GABRG3: variants seen among roughly 807,000 people sequenced by gnomAD.
The protein encoded by GABRG3 is gamma-aminobutyric acid receptor subunit gamma-3.
A neutral mutation model predicts 48.8 loss-of-function variants in GABRG3; 25 were observed. The ratio of observed to expected loss-of-function variants is 0.51; its 90% CI spans 0.37 to 0.72. The LOEUF (loss-of-function observed/expected upper bound fraction) is 0.72, where lower values mean the gene tolerates loss of function less well. Ranked by LOEUF, GABRG3 falls within the 30% of genes least tolerant of loss-of-function variation. The pLI is 0.00. For synonymous variants in GABRG3, 227 were observed against 217.6 expected, an observed-to-expected ratio of 1.04 and a Z score of -0.38; for missense variants, 394 against 577.9, an observed-to-expected ratio of 0.68 and a Z score of 3.26.
At chr15:27,475,032 A>C (rs1889895143) in intron 5 of GABRG3, among the ~76,000 whole-genome samples, 1 of 152,118 alleles carries the variant, frequency 6.6e-6, no homozygotes, top group Non-Finnish European at 1.5e-5. Context: ...CAGGAGGCTG[A>C]GGCAGGAGAA....
At chr15:27,409,511 T>G (rs1887736476) in intron 5 of GABRG3, among the ~76,000 whole-genome samples, 1 of 152,198 alleles carries the variant, frequency 6.6e-6, no homozygotes. Flanking sequence ...TAATTAATCT[T>G]AACATCAGGT....
intron 5 of GABRG3, among the ~76,000 whole-genome samples, chr15:27,367,072 A>G (rs2140552221): frequency 6.6e-6 from 1 of 152,218 alleles, no homozygotes; most frequent in East Asian, 1.9e-4. Flanking sequence ...AGGACTAAGC[A>G]TCCTCACATC....
intron 3 of GABRG3, among the ~76,000 whole-genome samples, chr15:27,125,127 AAG>A (rs1327319054): frequency 6.6e-6 from 1 of 152,168 alleles, no homozygotes; most frequent in Non-Finnish European, 1.5e-5. Context: ...GATATGCCGA[AAG>A]ACTTTTTATT....
At chr15:27,325,927 T>G (rs1468630041) in intron 3 of GABRG3, among the ~76,000 whole-genome samples, 1 of 152,188 alleles carries the variant, frequency 6.6e-6, no homozygotes, top group African/African-American at 2.4e-5. Context: ...TAACAAAAAT[T>G]ATGCAAGATA....
chr15:27,099,825 A>G (rs1897325887), intron 3 of GABRG3, among the ~76,000 whole-genome samples: 2 of 152,210 alleles, frequency 1.3e-5, no homozygotes, highest in Admixed American at 6.5e-5. Flanking sequence ...AATATTAGCA[A>G]TGAAACGTGG....
chr15:27,163,437 T>C (rs1349732251), intron 3 of GABRG3, among the ~76,000 whole-genome samples: 1 of 152,072 alleles, frequency 6.6e-6, no homozygotes, highest in Non-Finnish European at 1.5e-5. Flanking sequence ...TGGGGTCACC[T>C]ACTAAGATTG....
intron 3 of GABRG3, among the ~76,000 whole-genome samples, chr15:27,113,925 CA>C (rs1284769798): frequency 1.3e-5 from 2 of 152,174 alleles, no homozygotes; most frequent in African/African-American, 2.4e-5. Context: ...GCTAGGGAAC[CA>C]GCTCATTATT....
At chr15:27,302,557 C>T (rs1444139482) in intron 3 of GABRG3, among the ~76,000 whole-genome samples, 1 of 151,916 alleles carries the variant, frequency 6.6e-6, no homozygotes, top group African/African-American at 2.4e-5. Flanking sequence ...CTTCAACATC[C>T]ACACCTCAGT....
chr15:27,263,173 G>A lies in GABRG3; in HGVS notation c.271-63636G>A, dbSNP rs73361547. 7.3e-3 allele frequency among the ~76,000 whole-genome samples: 1,106 copies of A among 152,262 alleles called. 15 individuals carry two copies. The highest frequency in any genetic ancestry group is 0.025 in the African/African-American group (1,041 of 41,544). On this transcript the variant is annotated intron_variant, in intron 3 of 9. Transcript: ENST00000615808. Reference sequence around the variant, plus strand: ...ACCGTAAACTTCTCGGAAAGAAATCGATGAGAAATTTACCACTAGGGCTTA... The same window carrying A: ...ACCGTAAACTTCTCGGAAAGAAATCAATGAGAAATTTACCACTAGGGCTTA...
intron 5 of GABRG3, among the ~76,000 whole-genome samples, chr15:27,477,133 A>G (rs1026509067): frequency 5.9e-5 from 9 of 152,234 alleles, no homozygotes; most frequent in African/African-American, 2.2e-4. Flanking sequence ...TTGCACCTGT[A>G]TGTTTGTAGC....
chr15:27,279,634 C>G (rs1430833239), intron 3 of GABRG3, among the ~76,000 whole-genome samples: 1 of 152,172 alleles, frequency 6.6e-6, no homozygotes, highest in Non-Finnish European at 1.5e-5. Flanking sequence ...TTCTCTTCTT[C>G]TGCTAGTACC....
chr15:27,312,761 C>T lies in GABRG3; in HGVS notation c.271-14048C>T, dbSNP rs1010701630. 2.6e-5 allele frequency among the ~76,000 whole-genome samples: 4 copies of T among 151,968 alleles called. No individual in the cohort carries two copies. The South Asian group carries it at 6.2e-4, about 24-fold the overall frequency. ...GTTCATCACTACTAGGCCTGCCTTA[C>T]GGGAAATGTTAATACCTTCAAGATG... On this transcript the variant is annotated intron_variant, in intron 3 of 9. Coordinates refer to ENST00000615808, the MANE Select transcript of GABRG3 (RefSeq NM_033223.5).
intron 2 of GABRG3, among the ~76,000 whole-genome samples, chr15:26,985,845 T>C (rs765920491): frequency 1.1e-4 from 17 of 152,180 alleles, no homozygotes; most frequent in Non-Finnish European, 1.9e-4. Context: ...TTCATCCTGA[T>C]TGTTTCCGTA....
At position 27,539,184 on chromosome 15, in the gene GABRG3, C is replaced by T. The variant is rs1203855781; in HGVS notation, c.*6303C>T. ...AAGTGGGAAGTTCATTACGGCAAGG[C>T]AGTGGGAAGGTGCCAGCATCCCCTT... On this transcript the variant is annotated 3_prime_UTR_variant, in exon 10 of 10. Transcript: ENST00000615808. The T allele has an allele frequency of 6.6e-6, 1 of 152,144 alleles. No individual in the cohort carries two copies. Among genetic ancestry groups the T allele is most frequent in the Non-Finnish European group, 1.5e-5 (1 of 68,050 alleles). The allele number at this position is 152,144 out of a possible 1,614,324, so 9.4% of individuals were successfully genotyped here.
chr15:27,187,921 C>T (rs1476016507), intron 3 of GABRG3, among the ~76,000 whole-genome samples: 3 of 142,446 alleles, frequency 2.1e-5, no homozygotes, highest in African/African-American at 7.8e-5. Flanking sequence ...TGTTCCCCTT[C>T]CTGTGTCCAT....
chr15:27,084,907 A>G (rs1472762737), intron 3 of GABRG3, among the ~76,000 whole-genome samples: 1 of 152,156 alleles, frequency 6.6e-6, no homozygotes, highest in Admixed American at 6.5e-5. Flanking sequence ...TCCTTCTGAC[A>G]CTGTGTCTTC....
chr15:27,010,774 C>G (rs923359425), intron 2 of GABRG3, among the ~76,000 whole-genome samples: 19 of 152,204 alleles, frequency 1.2e-4, no homozygotes, highest in Admixed American at 1.2e-3. Flanking sequence ...CTTTGCCGTT[C>G]CACTATCCTC....
intron 2 of GABRG3, among the ~76,000 whole-genome samples, chr15:26,997,730 G>C (rs537074987): frequency 6.6e-6 from 1 of 152,220 alleles, no homozygotes; most frequent in Admixed American, 6.5e-5. Flanking sequence ...TTTATCAATG[G>C]ATATCTGTGT....
At chr15:26,997,679 A>G (rs2140653083) in intron 2 of GABRG3, among the ~76,000 whole-genome samples, 1 of 152,224 alleles carries the variant, frequency 6.6e-6, no homozygotes, top group Middle Eastern at 3.4e-3. Flanking sequence ...TTATTGACCA[A>G]TGTTTGTCCA....
Sources: allele counts gnomAD v4.1 joint callset (sites outside exome capture counted in the v4.1 genomes callset), GRCh38; gene constraint gnomAD v4.1.1; transcripts MANE v1.5; gene names NCBI Gene and HGNC (gene_info 2026-07-23, HGNC 2026-07-21).